MSH4: variants seen among roughly 807,000 people sequenced by gnomAD.
MSH4 encodes mutS protein homolog 4.
MSH4 carries 106 observed loss-of-function variants against 113.7 expected under a neutral mutation model. The ratio of observed to expected loss-of-function variants is 0.93; its 90% CI spans 0.80 to 1.10. The LOEUF is 1.10. MSH4 is among the 50% of genes least tolerant of loss of function. The pLI is 0.00. For missense variants in MSH4, 1,061 were observed against 1,093.7 expected (o/e 0.97, Z 0.42); for synonymous variants, 368 against 380.2 (o/e 0.97, Z 0.37).
intron 19 of MSH4, among the ~76,000 whole-genome samples, chr1:75,907,684 C>CTCTCTA (rs1307238647): frequency 2.1e-5 from 1 of 46,576 alleles, no homozygotes; most frequent in Non-Finnish European, 3.7e-5. Context: ...CTCTCTCTCT[C>CTCTCTA]TATACATATA....
chr1:75,850,716 C>T (rs996474531), intron 8 of MSH4, among the ~76,000 whole-genome samples: 3 of 151,864 alleles, frequency 2.0e-5, no homozygotes, highest in East Asian at 1.9e-4. Flanking sequence ...TGGTGTTTTA[C>T]GTTTTTTTGT....
chr1:75,823,347 G>A (rs1186025601), intron 7 of MSH4, among the ~76,000 whole-genome samples: 5 of 131,342 alleles, frequency 3.8e-5, no homozygotes, highest in African/African-American at 6.4e-5. Context: ...GTATCATTTG[G>A]GGGTCACAAT....
intron 17 of MSH4, among the ~76,000 whole-genome samples, chr1:75,891,691 T>A (rs1261645919): frequency 6.6e-6 from 1 of 152,116 alleles, no homozygotes; most frequent in African/African-American, 2.4e-5. Context: ...TGGGCTCAAG[T>A]GATCCACTCA....
chr1:75,881,707 G>A (rs1570985459), intron 14 of MSH4, among the ~76,000 whole-genome samples: 1 of 151,994 alleles, frequency 6.6e-6, no homozygotes, highest in East Asian at 1.9e-4. Flanking sequence ...ATTAGAAGCA[G>A]CGTGATAAAC....
At chr1:75,890,965 T>C (rs1652238978) in intron 17 of MSH4, 141 bp downstream of exon 17, 1 of 705,882 alleles carries the variant, frequency 1.4e-6, no homozygotes, top group South Asian at 2.6e-5. Flanking sequence ...ATATTTTTGT[T>C]CCTTCATTTC....
At chr1:75,821,082 C>T (rs1320338848) in intron 6 of MSH4, among the ~76,000 whole-genome samples, 1 of 151,592 alleles carries the variant, frequency 6.6e-6, no homozygotes, top group African/African-American at 2.4e-5. Flanking sequence ...AACTCTCCAC[C>T]CCAAATCAAC....
chr1:75,874,253 A>C (rs75265116), intron 9 of MSH4, among the ~76,000 whole-genome samples: 6,125 of 152,264 alleles, frequency 0.04, 164 homozygotes, highest in Non-Finnish European at 0.063. Flanking sequence ...TTACTTTTTA[A>C]TGAAGTTGTT....
chr1:75,848,604 G>A (rs937840331), intron 8 of MSH4, among the ~76,000 whole-genome samples: 13 of 152,132 alleles, frequency 8.5e-5, no homozygotes, highest in Non-Finnish European at 1.5e-4. Context: ...TGGGCATGCT[G>A]TTGCATGCTT....
rs1206935138 is a variant in MSH4, at chr1:75,899,719, G to A, written c.2619+13G>A. 2.9e-6 allele frequency: 4 copies of A among 1,399,854 alleles called. No individual in the cohort carries two copies. The East Asian group carries it at 8.1e-5, about 28-fold the overall frequency. 86.7% of individuals were successfully genotyped at this position (1,399,854 alleles called of 1,614,324 possible). A position where few individuals can be genotyped will look rare whatever the true frequency, so the allele number is the denominator to read the frequency against. ...GAGACAAATTTTGGTAAGAAACTTT[G>A]TTCTTATTTGTTCTTCAAATTAAAA... On this transcript the variant is annotated intron_variant, in intron 19 of 19. Coordinates refer to ENST00000263187, the MANE Select transcript of MSH4 (RefSeq NM_002440.4).
At chr1:75,898,110 A>G in intron 18 of MSH4, 29 bp downstream of exon 18, 6 of 1,384,778 alleles carry the variant, frequency 4.3e-6, no homozygotes, top group Non-Finnish European at 4.8e-6. Context: ...ATACCTATAC[A>G]TTCAAATACT....
At chr1:75,808,553 T>C (rs1650118399) in intron 3 of MSH4, among the ~76,000 whole-genome samples, 1 of 152,190 alleles carries the variant, frequency 6.6e-6, no homozygotes, top group Non-Finnish European at 1.5e-5. Flanking sequence ...TTTGGGATTT[T>C]GGTCTTTTGG....
intron 19 of MSH4, among the ~76,000 whole-genome samples, chr1:75,906,939 T>C (rs934914326): frequency 6.6e-6 from 1 of 151,614 alleles, no homozygotes; most frequent in Non-Finnish European, 1.5e-5. Flanking sequence ...GTTCGCACCA[T>C]TCTCCTGCCT....
At chr1:75,842,488 C>A (rs1322288130) in intron 7 of MSH4, among the ~76,000 whole-genome samples, 1 of 152,118 alleles carries the variant, frequency 6.6e-6, no homozygotes, top group Non-Finnish European at 1.5e-5. Flanking sequence ...AGATATAGAT[C>A]TTAGATATGA....
At chr1:75,799,851 G>C (rs990817914) in intron 1 of MSH4, among the ~76,000 whole-genome samples, 1 of 152,146 alleles carries the variant, frequency 6.6e-6, no homozygotes. Flanking sequence ...AAATTTTAGA[G>C]GGAAGATGAT....
chr1:75,896,722 T>C (rs1205971261), intron 17 of MSH4, among the ~76,000 whole-genome samples: 1 of 152,172 alleles, frequency 6.6e-6, no homozygotes, highest in Non-Finnish European at 1.5e-5. Context: ...AGCACAATTC[T>C]TGCAACAGAT....
intron 16 of MSH4, among the ~76,000 whole-genome samples, chr1:75,889,928 G>A (rs1047342214): frequency 1.3e-5 from 2 of 151,980 alleles, no homozygotes; most frequent in Admixed American, 6.6e-5. Flanking sequence ...TAGATAGGTG[G>A]TGACTAAAGT....
intron 1 of MSH4, among the ~76,000 whole-genome samples, chr1:75,802,652 G>T (rs1649964655): frequency 6.6e-6 from 1 of 152,178 alleles, no homozygotes; most frequent in African/African-American, 2.4e-5. Context: ...TTGCATAGGG[G>T]AGAGAAATTC....
At position 75,796,995 on chromosome 1, in the gene MSH4, C is replaced by T. The variant is rs1649825151; in HGVS notation, c.10C>T (p.Pro4Ser). The T allele has an allele frequency of 1.9e-6, 3 of 1,614,052 alleles. No individual in the cohort carries two copies. In the East Asian group the frequency reaches 6.7e-5, roughly 36 times the overall value. ...GGGAAGGTTTGGGAGGATGCTGAGG[C>T]CTGAGATCTCATCAACCTCGCCTTC... MLR[P>S]EISSTSPSAP... The change falls in exon 1 of 20, where the codon CCT becomes TCT. Residue 4 changes from proline to serine, a missense_variant. Transcript: ENST00000263187.
chr1:75,889,403 A>G (rs5745500), intron 16 of MSH4, 34 bp downstream of exon 16: 265 of 953,428 alleles, frequency 2.8e-4, no homozygotes, highest in Admixed American at 1.7e-3. Context: ...TGTTAAAAAC[A>G]TTAAATTCTC....
Sources: allele counts gnomAD v4.1 joint callset (sites outside exome capture counted in the v4.1 genomes callset), GRCh38; gene constraint gnomAD v4.1.1; transcripts MANE v1.5; gene names NCBI Gene and HGNC (gene_info 2026-07-23, HGNC 2026-07-21).